Variants in GMPR observed in about 807,000 individuals in gnomAD.
The protein encoded by GMPR is GMP reductase 1.
Under a neutral mutation model 38.4 loss-of-function variants are expected in GMPR, and 31 were observed. The observed-to-expected ratio is 0.81, with a 90% CI of 0.61 to 1.09. The LOEUF (loss-of-function observed/expected upper bound fraction) is 1.09. Ranked by LOEUF, GMPR falls within the 50% of genes least tolerant of loss-of-function variation. The probability of loss-of-function intolerance (pLI) is 0.00; values close to 1 mark genes in which losing one functional copy is unlikely to be tolerated. For missense variants in GMPR, 468 were observed against 453.7 expected (o/e 1.03, Z -0.29); for synonymous variants, 162 against 173.3 (o/e 0.93, Z 0.51).
intron 1 of GMPR, among the ~76,000 whole-genome samples, chr6:16,240,501 T>C (rs987822297): frequency 7.9e-5 from 12 of 152,202 alleles, no homozygotes; most frequent in African/African-American, 2.9e-4. Flanking sequence ...ATTAGGGCAG[T>C]GGTGCTCACC....
At chr6:16,272,381 A>T (rs1265464626) in intron 4 of GMPR, among the ~76,000 whole-genome samples, 1 of 152,234 alleles carries the variant, frequency 6.6e-6, no homozygotes, top group African/African-American at 2.4e-5. Flanking sequence ...TCCTTGGCAG[A>T]GAATCTTAGA....
At chr6:16,262,328 G>A (rs570665796) in intron 4 of GMPR, 5 of 152,132 alleles carry the variant, frequency 3.3e-5, no homozygotes, top group African/African-American at 1.2e-4. Context: ...AGGGGCGCTG[G>A]GAGTGGCTGC....
At chr6:16,263,746 TAAG>T (rs552637313) in intron 4 of GMPR, among the ~76,000 whole-genome samples, 3 of 60,932 alleles carry the variant, frequency 4.9e-5, no homozygotes, top group South Asian at 1.5e-3. Context: ...GGTGCAGAGA[TAAG>T]AGGTCAGGGC....
intron 2 of GMPR, among the ~76,000 whole-genome samples, chr6:16,247,899 G>T (rs6459465): frequency 6.6e-6 from 1 of 151,838 alleles, no homozygotes; most frequent in Non-Finnish European, 1.5e-5. Flanking sequence ...TTTTAGCCAA[G>T]TACACCAGCC....
At chr6:16,251,154 G>A (rs564823833) in intron 3 of GMPR, among the ~76,000 whole-genome samples, 2 of 152,296 alleles carry the variant, frequency 1.3e-5, no homozygotes, top group Non-Finnish European at 2.9e-5. Context: ...TCTATCAGTG[G>A]GTGAAAGGAC....
At chr6:16,286,311 T>A (rs1181507914) in intron 7 of GMPR, among the ~76,000 whole-genome samples, 1 of 151,828 alleles carries the variant, frequency 6.6e-6, no homozygotes, top group Non-Finnish European at 1.5e-5. Flanking sequence ...GGAGCGGTGG[T>A]GGGAGGGCAG....
chr6:16,257,299 T>A (rs917036184), intron 4 of GMPR, among the ~76,000 whole-genome samples: 1 of 152,190 alleles, frequency 6.6e-6, no homozygotes, highest in Non-Finnish European at 1.5e-5. Context: ...CCTCACCCTA[T>A]GTCTCGCTTC....
chr6:16,273,573 G>A (rs59170942), intron 4 of GMPR, among the ~76,000 whole-genome samples: 9,868 of 152,190 alleles, frequency 0.065, 661 homozygotes, highest in African/African-American at 0.17. Context: ...ACGTGCTGAT[G>A]CTATGTGGTC....
rs1274312515 is a variant in GMPR, at chr6:16,261,854, AAG to A, written c.465+7122_465+7123del. Among the ~76,000 whole-genome samples the A allele has an allele frequency of 5.2e-4, 79 of 151,956 alleles. 1 individual carries two copies. Among genetic ancestry groups the A allele is most frequent in the African/African-American group, 1.7e-3 (72 of 41,504 alleles). On this transcript the variant is annotated intron_variant, in intron 4 of 8. Transcript: ENST00000259727. ...TTTGTGGGTTAAGGTTGGGGGATAC[AAG>A]AGGAGGACACAAAGGAGGCTTTGGA...
intron 8 of GMPR, among the ~76,000 whole-genome samples, chr6:16,294,774 A>G (rs1043279523): frequency 2.6e-5 from 4 of 152,230 alleles, no homozygotes; most frequent in African/African-American, 9.6e-5. Flanking sequence ...CGCAACATGC[A>G]GGGCAGCCAG....
chr6:16,244,158 G>A (rs187537810), intron 1 of GMPR, among the ~76,000 whole-genome samples: 1 of 151,370 alleles, frequency 6.6e-6, no homozygotes, highest in African/African-American at 2.4e-5. Flanking sequence ...TTGTTCGTTG[G>A]ACTTACCACA....
chr6:16,266,090 TAA>T (rs1401459003), intron 4 of GMPR, among the ~76,000 whole-genome samples: 4 of 77,948 alleles, frequency 5.1e-5, no homozygotes, highest in East Asian at 5.1e-4. Flanking sequence ...GGGCTACCTT[TAA>T]GAGCTGTAAC....
intron 4 of GMPR, among the ~76,000 whole-genome samples, chr6:16,266,253 A>G (rs1759218356): frequency 6.6e-6 from 1 of 152,054 alleles, no homozygotes; most frequent in Admixed American, 6.6e-5. Flanking sequence ...TAAGAGCTGT[A>G]ACACTCACTG....
chr6:16,288,380 TGA>T (rs1759739652), intron 7 of GMPR, among the ~76,000 whole-genome samples: 1 of 152,084 alleles, frequency 6.6e-6, no homozygotes, highest in South Asian at 2.1e-4. Context: ...CCTCAGGCAA[TGA>T]GAGGCTTAGC....
chr6:16,266,064 A>G (rs1445901701), intron 4 of GMPR, among the ~76,000 whole-genome samples: 1 of 151,946 alleles, frequency 6.6e-6, no homozygotes, highest in African/African-American at 2.4e-5. Flanking sequence ...AGTGGGAGGA[A>G]TGAACAACTC....
intron 6 of GMPR, among the ~76,000 whole-genome samples, chr6:16,281,544 C>T (rs1163372163): frequency 2.6e-5 from 4 of 152,070 alleles, no homozygotes; most frequent in African/African-American, 2.4e-5. Context: ...CTTGCTGTAT[C>T]GCCCAGGCTG....
intron 6 of GMPR, among the ~76,000 whole-genome samples, chr6:16,280,556 A>C (rs1394807934): frequency 6.6e-6 from 1 of 152,252 alleles, no homozygotes; most frequent in Non-Finnish European, 1.5e-5. Context: ...CTGACATAGA[A>C]CTGTCGGTCT....
chr6:16,276,427 T>C (rs1317842314), intron 5 of GMPR, among the ~76,000 whole-genome samples: 1 of 152,176 alleles, frequency 6.6e-6, no homozygotes, highest in Non-Finnish European at 1.5e-5. Context: ...CGCCTTGGCC[T>C]CCCAACGTGC....
intron 4 of GMPR, chr6:16,262,909 G>C (rs905122013): frequency 4.6e-5 from 7 of 152,036 alleles, no homozygotes; most frequent in African/African-American, 1.4e-4. Context: ...GTAAATTGCT[G>C]GGCAGGTGGG....
Sources: gnomAD v4.1 joint callset for allele counts (sites outside exome capture counted in the v4.1 genomes callset) on GRCh38, gnomAD v4.1.1 for gene constraint, MANE v1.5 for transcripts, NCBI Gene and HGNC (gene_info 2026-07-23, HGNC 2026-07-21) for gene names.